TLN2: variants seen among roughly 807,000 people sequenced by gnomAD.
TLN2 encodes talin 2, also known as talin-2.
A neutral mutation model predicts 294.7 loss-of-function variants in TLN2; 118 were observed. The observed-to-expected ratio is 0.40, with a 90% CI of 0.34 to 0.47. TLN2 has a LOEUF of 0.47. Ranked by LOEUF, TLN2 falls within the 20% of genes least tolerant of loss-of-function variation. The pLI, the probability that TLN2 is intolerant of heterozygous loss-of-function variation, is 0.84. For missense variants in TLN2, 3,083 were observed against 3,282.2 expected (o/e 0.94, Z 1.48); for synonymous variants, 1,431 against 1,304.5 (o/e 1.10, Z -2.09).
chr15:62,675,411 C>T, intron 11 of TLN2, 90 bp downstream of exon 11: 1 of 1,314,960 alleles, frequency 7.6e-7, no homozygotes. Context: ...GTTTGTCCTG[C>T]TCACCCCCCT....
intron 32 of TLN2, among the ~76,000 whole-genome samples, chr15:62,743,739 T>C (rs1194669445): frequency 6.6e-6 from 1 of 152,152 alleles, no homozygotes; most frequent in Non-Finnish European, 1.5e-5. Context: ...GTATCCTACC[T>C]CTGAACACCT....
At chr15:62,392,167 G>C (rs2032148695) in intron 1 of TLN2, among the ~76,000 whole-genome samples, 1 of 152,252 alleles carries the variant, frequency 6.6e-6, no homozygotes, top group Non-Finnish European at 1.5e-5. Context: ...AAAGGAGGGC[G>C]TTTCCAGAAG....
chr15:62,495,537 G>A (rs1020062989), intron 1 of TLN2, among the ~76,000 whole-genome samples: 1 of 152,226 alleles, frequency 6.6e-6, no homozygotes, highest in Non-Finnish European at 1.5e-5. Flanking sequence ...CATAAGCAAG[G>A]GAAAGAATGA....
At chr15:62,718,715 A>G (rs534093987) in intron 24 of TLN2, among the ~76,000 whole-genome samples, 1 of 152,232 alleles carries the variant, frequency 6.6e-6, no homozygotes, top group African/African-American at 2.4e-5. Flanking sequence ...TTTGCTTCCT[A>G]TTGGGTCCTC....
rs188993784 is a variant in TLN2, at chr15:62,580,556, G to T, written c.-237-9131G>T. Reference sequence around the variant, plus strand: ...CTCGCGAGTAGCCGGTACTATAGGCGCATACCACCACACCCAGCTAATTTT... The same window carrying T: ...CTCGCGAGTAGCCGGTACTATAGGCTCATACCACCACACCCAGCTAATTTT... On this transcript the variant is annotated intron_variant, in intron 1 of 58. Transcript: ENST00000636159. Among the ~76,000 whole-genome samples the T allele has an allele frequency of 2.0e-5, 3 of 152,098 alleles. No homozygotes were observed. In the South Asian group the frequency reaches 6.2e-4, roughly 32 times the overall value.
In TLN2 at chr15:62,797,193, C is replaced by T. The variant is rs756613923; in HGVS notation, c.6051-26C>T. 21 of 1,613,774 alleles carry T rather than the reference C, an allele frequency of 1.3e-5. 1 individual carries two copies. Among genetic ancestry groups the T allele is most frequent in the South Asian group, 1.2e-4 (11 of 91,000 alleles). The stretch of plus-strand genomic sequence containing the variant: ...AGCTTTGCCCTCTGTCTCTCCCCCT[C>T]TCCCCTGCCCTCCTGGCTCTCTCAG... On this transcript the variant is annotated intron_variant, in intron 47 of 58. Coordinates refer to ENST00000636159, the MANE Select transcript of TLN2 (RefSeq NM_015059.3).
chr15:62,668,946 C>T (rs1306193082), intron 9 of TLN2, among the ~76,000 whole-genome samples: 3 of 152,156 alleles, frequency 2.0e-5, no homozygotes, highest in African/African-American at 7.2e-5. Context: ...ACTTGAAACC[C>T]ATTATTCTAA....
In TLN2 at chr15:62,728,279, G is replaced by A. The variant is rs141762508; in HGVS notation, c.3358+1090G>A. ...GCTGCTTTTTCTCAGCACTATGTTA[G>A]TGAGACTCATCTGTGGTACATACAG... is the stretch of plus-strand genomic sequence containing the variant. On this transcript the variant is annotated intron_variant, in intron 28 of 58. Transcript: ENST00000636159. Among the ~76,000 whole-genome samples, 415 of 152,284 alleles carry A rather than the reference G, an allele frequency of 2.7e-3. 1 individual carries two copies. The highest frequency in any genetic ancestry group is 9.5e-3 in the African/African-American group (393 of 41,564).
At chr15:62,722,210 G>T in intron 25 of TLN2, 143 bp from the exon 26 acceptor site, 1 of 937,000 alleles carries the variant, frequency 1.1e-6, no homozygotes, top group Non-Finnish European at 1.5e-6. Context: ...TGGCAGTTTG[G>T]GAATAGGGGA....
chr15:62,559,310 C>CT (rs2042781062), intron 1 of TLN2, among the ~76,000 whole-genome samples: 2 of 152,144 alleles, frequency 1.3e-5, no homozygotes, highest in South Asian at 4.2e-4. Flanking sequence ...GGGCTACAAT[C>CT]TAAGTAACTG....
intron 33 of TLN2, among the ~76,000 whole-genome samples, chr15:62,749,595 C>T (rs999114449): frequency 6.6e-6 from 1 of 152,174 alleles, no homozygotes; most frequent in Non-Finnish European, 1.5e-5. Context: ...CTCAGCAGTT[C>T]CCCTTCCTTC....
chr15:62,570,795 G>C (rs1034693228), intron 1 of TLN2, among the ~76,000 whole-genome samples: 7 of 152,208 alleles, frequency 4.6e-5, no homozygotes, highest in Admixed American at 3.3e-4. Context: ...AATGTCTCCT[G>C]CATGGGAAAA....
At chr15:62,602,103 C>G (rs2047057049) in intron 2 of TLN2, among the ~76,000 whole-genome samples, 1 of 152,158 alleles carries the variant, frequency 6.6e-6, no homozygotes, top group Non-Finnish European at 1.5e-5. Context: ...ATGTTTCTTG[C>G]TACTGTATTT....
At chr15:62,682,163 A>T (rs193204444) in intron 11 of TLN2, among the ~76,000 whole-genome samples, 5 of 152,314 alleles carry the variant, frequency 3.3e-5, no homozygotes, top group Non-Finnish European at 7.4e-5. Flanking sequence ...ATGCTACTCA[A>T]CTTTGCCCCT....
intron 54 of TLN2, among the ~76,000 whole-genome samples, chr15:62,825,752 TATA>T (rs1343351237): frequency 2.9e-5 from 3 of 102,014 alleles, no homozygotes; most frequent in African/African-American, 1.4e-4. Flanking sequence ...ATATATTAAA[TATA>T]ATTATAATTA....
intron 2 of TLN2, among the ~76,000 whole-genome samples, chr15:62,608,302 G>A (rs2047623375): frequency 6.6e-6 from 1 of 152,184 alleles, no homozygotes; most frequent in African/African-American, 2.4e-5. Context: ...CTAATAAGGG[G>A]TGGGGGTGGT....
At chr15:62,664,133 C>G (rs1426370323) in intron 9 of TLN2, among the ~76,000 whole-genome samples, 4 of 151,588 alleles carry the variant, frequency 2.6e-5, no homozygotes, top group Non-Finnish European at 5.9e-5. Context: ...TAGGAAAAGA[C>G]CTCATCAAGA....
intron 3 of TLN2, among the ~76,000 whole-genome samples, chr15:62,643,669 T>C (rs2051444326): frequency 6.6e-6 from 1 of 152,022 alleles, no homozygotes. Context: ...AGGAAGCTCC[T>C]TCTGTGGGAG....
intron 9 of TLN2, among the ~76,000 whole-genome samples, chr15:62,670,794 G>C (rs2140997571): frequency 6.6e-6 from 1 of 152,220 alleles, no homozygotes; most frequent in East Asian, 1.9e-4. Context: ...GTGTGGGAGT[G>C]TTCTCATTTT....
Sources: allele counts gnomAD v4.1 joint callset (sites outside exome capture counted in the v4.1 genomes callset), GRCh38; gene constraint gnomAD v4.1.1; transcripts MANE v1.5; gene names NCBI Gene and HGNC (gene_info 2026-07-23, HGNC 2026-07-21).